The following LLCFC1 variants were observed in gnomAD, a reference collection of about 807,000 sequenced individuals.
LLCFC1 encodes sperm-egg fusion protein LLCFC1.
Under a neutral mutation model 9.8 loss-of-function variants are expected in LLCFC1, and 14 were observed. The observed-to-expected ratio is 1.43, with a 90% CI of 0.95 to 2.24. The LOEUF is 2.24. LLCFC1 is among the 30% of genes most tolerant of loss of function. The probability of loss-of-function intolerance (pLI) is 0.00; values close to 1 mark genes in which losing one functional copy is unlikely to be tolerated. For synonymous variants in LLCFC1, 70 were observed against 58.8 expected, an observed-to-expected ratio of 1.19 and a Z score of -0.87; for missense variants, 162 against 148.0, an observed-to-expected ratio of 1.09 and a Z score of -0.49.
At position 142,940,605 on chromosome 7, in the gene LLCFC1, G is replaced by A. The variant is rs750815814; in HGVS notation, c.*18G>A. On this transcript the variant is annotated 3_prime_UTR_variant, in exon 2 of 2. Coordinates refer to ENST00000409607, the MANE Select transcript of LLCFC1 (RefSeq NM_001382496.1). ...CTCACTGACCCTCCCTCCCTCCTGG[G>A]CTCCAGGTCACAACTCCCAAAGGAG... The A allele has an allele frequency of 1.2e-6, 2 of 1,600,754 alleles. No individual in the cohort carries two copies. The highest frequency in any genetic ancestry group is 4.5e-5 in the East Asian group (2 of 44,794).
At position 142,940,408 on chromosome 7, in the gene LLCFC1, T is replaced by C; in HGVS notation, c.190T>C (p.Trp64Arg). 1 of 1,614,202 alleles carries C rather than the reference T, an allele frequency of 6.2e-7. No individual in the cohort carries two copies. Among genetic ancestry groups the C allele is most frequent in the Non-Finnish European group, 8.5e-7 (1 of 1,180,036 alleles). The change falls in exon 2 of 2, where the codon TGG becomes CGG. Residue 64 changes from tryptophan to arginine, a missense_variant. Physicochemically the swap from Trp to Arg is moderately radical, Grantham distance 101. Coordinates refer to ENST00000409607, the MANE Select transcript of LLCFC1 (RefSeq NM_001382496.1). ...TGTGGCCTCCTCAGTGGGTGAGATG[T>C]GGCAGGTGGTGGACATGGCCCAGCA... ...HFVASSVGEM[W>R]QVVDMAQQEE...
chr7:142,940,243 C>T (rs1023295087), intron 1 of LLCFC1, 109 bp from the exon 2 acceptor site: 12 of 812,716 alleles, frequency 1.5e-5, no homozygotes, highest in Non-Finnish European at 2.2e-5. Context: ...AGGATATGGG[C>T]AATTGGGACT....
chr7:142,940,608 C>G lies in LLCFC1; in HGVS notation c.*21C>G. 1 of 1,593,202 alleles carries G rather than the reference C, an allele frequency of 6.3e-7. No homozygotes were observed. The highest frequency in any genetic ancestry group is 8.6e-7 in the Non-Finnish European group (1 of 1,161,280). On this transcript the variant is annotated 3_prime_UTR_variant, in exon 2 of 2. Transcript: ENST00000409607. Reference sequence around the variant, plus strand: ...ACTGACCCTCCCTCCCTCCTGGGCTCCAGGTCACAACTCCCAAAGGAGATG... The same window carrying G: ...ACTGACCCTCCCTCCCTCCTGGGCTGCAGGTCACAACTCCCAAAGGAGATG...
rs1796323468 is a variant in LLCFC1, at chr7:142,940,596, C to A, written c.*9C>A. On this transcript the variant is annotated 3_prime_UTR_variant, in exon 2 of 2. Transcript: ENST00000409607. The stretch of plus-strand genomic sequence containing the variant: ...TCATGCTCACTCACTGACCCTCCCT[C>A]CCTCCTGGGCTCCAGGTCACAACTC... 1 of 1,609,480 alleles carries A rather than the reference C, an allele frequency of 6.2e-7. No individual in the cohort carries two copies. The highest frequency in any genetic ancestry group is 1.7e-5 in the Admixed American group (1 of 59,994).
At position 142,940,622 on chromosome 7, in the gene LLCFC1, C is replaced by T. The variant is rs1450868455; in HGVS notation, c.*35C>T. Reference sequence around the variant, plus strand: ...CCTCCTGGGCTCCAGGTCACAACTCCCAAAGGAGATGCAGGCATGGCTCTC... The same window carrying T: ...CCTCCTGGGCTCCAGGTCACAACTCTCAAAGGAGATGCAGGCATGGCTCTC... On this transcript the variant is annotated 3_prime_UTR_variant, in exon 2 of 2. Transcript: ENST00000409607. 1 of 1,544,064 alleles carries T rather than the reference C, an allele frequency of 6.5e-7. No homozygotes were observed. The highest frequency in any genetic ancestry group is 1.7e-5 in the Admixed American group (1 of 59,838).
In LLCFC1 at chr7:142,939,795, C is replaced by T. The variant is rs748624554; in HGVS notation, c.133+41C>T. On this transcript the variant is annotated intron_variant, in intron 1 of 1. Coordinates refer to ENST00000409607, the MANE Select transcript of LLCFC1 (RefSeq NM_001382496.1). The stretch of plus-strand genomic sequence containing the variant: ...GACAGGAGCCATACAGAGAAAACAC[C>T]CTCTTCAGGTAGGTAGAAAAAAAGA... The T allele has an allele frequency of 1.1e-5, 17 of 1,564,128 alleles. No homozygotes were observed. In the South Asian group the frequency reaches 2.0e-4, roughly 19 times the overall value.
intron 1 of LLCFC1, among the ~76,000 whole-genome samples, chr7:142,940,046 A>G (rs1480397538): frequency 6.6e-6 from 1 of 151,348 alleles, no homozygotes; most frequent in African/African-American, 2.4e-5. Flanking sequence ...GTCATGCTTC[A>G]AGGTGGCCCC....
chr7:142,940,317 C>T, intron 1 of LLCFC1, 35 bp from the exon 2 acceptor site: 2 of 1,564,838 alleles, frequency 1.3e-6, no homozygotes, highest in Non-Finnish European at 1.8e-6. Context: ...AGGCCAGGGT[C>T]AGGGCTCAGT....
At position 142,939,581 on chromosome 7, in the gene LLCFC1, T is replaced by C. The variant is rs1447452651; in HGVS notation, c.-41T>C. 5 of 1,591,614 alleles carry C rather than the reference T, an allele frequency of 3.1e-6. No homozygotes were observed. Among genetic ancestry groups the C allele is most frequent in the Non-Finnish European group, 4.3e-6 (5 of 1,168,324 alleles). ...GAGGTGCACGGATCCTGCTGGGCAC[T>C]GGGAGCAGGGGGCGGCCAAAGGCAG... On this transcript the variant is annotated 5_prime_UTR_variant, in exon 1 of 2. Coordinates refer to ENST00000409607, the MANE Select transcript of LLCFC1 (RefSeq NM_001382496.1).
At chr7:142,940,086 A>G (rs1367062457) in intron 1 of LLCFC1, among the ~76,000 whole-genome samples, 1 of 148,360 alleles carries the variant, frequency 6.7e-6, no homozygotes, top group African/African-American at 2.5e-5. Flanking sequence ...ACCCTAGAGG[A>G]GGCAGCTAAC....
At chr7:142,940,113 GT>G (rs1796307114) in intron 1 of LLCFC1, among the ~76,000 whole-genome samples, 4 of 9,562 alleles carry the variant, frequency 4.2e-4, no homozygotes, top group Admixed American at 4.1e-3. Flanking sequence ...AATGGTGTGT[GT>G]GTGTGTGTGT....
rs555946687 is a variant in LLCFC1, at chr7:142,939,943, A to G, written c.133+189A>G. 3.9e-5 allele frequency among the ~76,000 whole-genome samples: 6 copies of G among 152,240 alleles called. No homozygotes were observed. In the East Asian group the frequency reaches 1.2e-3, roughly 29 times the overall value. Reference sequence around the variant, plus strand: ...GGGGTAACTCCAGCCACTGATGGTTATCATGTGAAATAATAGTGTCGGCTC... The same window carrying G: ...GGGGTAACTCCAGCCACTGATGGTTGTCATGTGAAATAATAGTGTCGGCTC... On this transcript the variant is annotated intron_variant, in intron 1 of 1. Transcript: ENST00000409607.
At chr7:142,939,877 G>A in intron 1 of LLCFC1, 123 bp downstream of exon 1, 1 of 945,856 alleles carries the variant, frequency 1.1e-6, no homozygotes. Context: ...CCAGGTCACT[G>A]ATGAGGCTAG....
At position 142,940,464 on chromosome 7, in the gene LLCFC1, T is replaced by C. The variant is rs1436917872; in HGVS notation, c.246T>C (p.Ala82=). 6.2e-7 allele frequency: 1 copy of C among 1,614,086 alleles called. No homozygotes were observed. Among genetic ancestry groups the C allele is most frequent in the East Asian group, 2.2e-5 (1 of 44,860 alleles). Residue 82 remains alanine, a synonymous_variant, in exon 2 of 2, where the codon GCT becomes GCC. Transcript: ENST00000409607. ...AAGACCAGTCGTCCAAGACGGCAGC[T>C]GTTCACAAGCACTCTTTCCACCTCA... ...QEEDQSSKTA[A]VHKHSFHLSF...
chr7:142,940,552 C>T lies in LLCFC1; in HGVS notation c.334C>T (p.Pro112Ser), dbSNP rs1226631306. 4 of 1,614,170 alleles carry T rather than the reference C, an allele frequency of 2.5e-6. No homozygotes were observed. Among genetic ancestry groups the T allele is most frequent in the Middle Eastern group, 1.6e-4 (1 of 6,062 alleles). Residue 112 changes from proline (P) to serine (S), a missense_variant, in exon 2 of 2, where the codon CCA (proline) becomes TCA (serine). Transcript: ENST00000409607. Reference protein sequence around the residue: ...FSGGPLRRTFPNIQLCFMLTH With the variant: ...FSGGPLRRTFSNIQLCFMLTH ...AGGAGGGCCATTGAGGCGGACATTC[C>T]CAAATATCCAACTCTGCTTCATGCT...
chr7:142,940,369 T>A lies in LLCFC1; in HGVS notation c.151T>A (p.Phe51Ile). ...TGTTCCAGACCAGAATCAAGAACAGTTCGAAGAGCACTTTGTGGCCTCCTC... is the reference window on the plus strand; with the variant it reads ...TGTTCCAGACCAGAATCAAGAACAGATCGAAGAGCACTTTGTGGCCTCCTC... Reference protein sequence around the residue: ...TPSADQNQEQFEEHFVASSVG... With the variant: ...TPSADQNQEQIEEHFVASSVG... Residue 51 changes from phenylalanine (F) to isoleucine (I), a missense_variant, in exon 2 of 2, where the codon TTC (phenylalanine) becomes ATC (isoleucine). Phe to Ile is a conservative substitution (Grantham distance 21). Transcript: ENST00000409607. The A allele has an allele frequency of 6.2e-7, 1 of 1,614,006 alleles. No homozygotes were observed. Among genetic ancestry groups the A allele is most frequent in the African/African-American group, 1.3e-5 (1 of 74,988 alleles).
chr7:142,939,652 G>GCA lies in LLCFC1; in HGVS notation c.32_33dup (p.Val12GlnfsTer13). The GCA allele has an allele frequency of 6.2e-7, 1 of 1,614,094 alleles. No individual in the cohort carries two copies. Among genetic ancestry groups the GCA allele is most frequent in the Non-Finnish European group, 8.5e-7 (1 of 1,179,950 alleles). On this transcript the variant is annotated frameshift_variant, in exon 1 of 2. Coordinates refer to ENST00000409607, the MANE Select transcript of LLCFC1 (RefSeq NM_001382496.1). LOFTEE classifies it high-confidence loss of function. ...TCCCCTGGCCCCCCAGCTCTGCAGG[G>GCA]CAGTGTTCCTGGTTCCTATCTTGCT...
chr7:142,939,588 AG>A lies in LLCFC1; in HGVS notation c.-29del. ...ACGGATCCTGCTGGGCACTGGGAGC[AG>A]GGGGCGGCCAAAGGCAGTGGGTGGG... On this transcript the variant is annotated 5_prime_UTR_variant, in exon 1 of 2. Transcript: ENST00000409607. 1 of 1,597,728 alleles carries A rather than the reference AG, an allele frequency of 6.3e-7. No individual in the cohort carries two copies. The highest frequency in any genetic ancestry group is 8.5e-7 in the Non-Finnish European group (1 of 1,171,282).
rs769526685 is a variant in LLCFC1, at chr7:142,939,696, T to C, written c.75T>C (p.Pro25=). ...TCTTGCTGCTGCTGCAGGTGAAGCC[T>C]CTGAACGGGAGCCCAGGCCCCAAAG... ...VPILLLLQVK[P]LNGSPGPKDG... The change falls in exon 1 of 2, where the codon CCT becomes CCC. Residue 25 remains proline (P), a synonymous_variant. Coordinates refer to ENST00000409607, the MANE Select transcript of LLCFC1 (RefSeq NM_001382496.1). 4 of 1,613,962 alleles carry C rather than the reference T, an allele frequency of 2.5e-6. No individual in the cohort carries two copies. The African/African-American group carries it at 5.3e-5, about 22-fold the overall frequency.
Sources: gnomAD v4.1 joint callset for allele counts (sites outside exome capture counted in the v4.1 genomes callset) on GRCh38, gnomAD v4.1.1 for gene constraint, MANE v1.5 for transcripts, NCBI Gene and HGNC (gene_info 2026-07-23, HGNC 2026-07-21) for gene names.